The following ABCA8 variants were observed in gnomAD, a reference collection of about 807,000 sequenced individuals.
The protein encoded by ABCA8 is ATP binding cassette subfamily A member 8, also known as ABC-type organic anion transporter ABCA8.
Under a neutral mutation model 192.3 loss-of-function variants are expected in ABCA8, and 177 were observed. The ratio of observed to expected loss-of-function variants is 0.92; its 90% CI spans 0.81 to 1.04. The LOEUF (loss-of-function observed/expected upper bound fraction) is 1.04. Ranked by LOEUF, ABCA8 falls within the 50% of genes least tolerant of loss-of-function variation. The pLI, the probability that ABCA8 is intolerant of heterozygous loss-of-function variation, is 0.00. For synonymous variants in ABCA8, 642 were observed against 690.2 expected (o/e 0.93, Z 1.09); for missense variants, 1,915 against 1,904.8 (o/e 1.01, Z -0.10).
At position 68,882,817 on chromosome 17, in the gene ABCA8, T is replaced by C. The variant is rs1052065434; in HGVS notation, c.3708-98A>G. The C allele has an allele frequency of 8.0e-6, 9 of 1,124,390 alleles. No homozygotes were observed. In the Admixed American group the frequency reaches 2.0e-4, roughly 25 times the overall value. 69.7% of individuals were successfully genotyped at this position (1,124,390 alleles called of 1,614,324 possible). The stretch of plus-strand genomic sequence containing the variant: ...CATATGTTTGAGTAGTACGAGCAAT[T>C]AACAAACCATCATAATCTCCCTTCA... On this transcript the variant is annotated intron_variant, in intron 29 of 39. Transcript: ENST00000586539.
At chr17:68,930,500 T>C (rs1279293153) in intron 7 of ABCA8, among the ~76,000 whole-genome samples, 2 of 152,142 alleles carry the variant, frequency 1.3e-5, no homozygotes, top group Admixed American at 1.3e-4. Context: ...TATAATGAAA[T>C]AATAATTTTA....
rs1306536676 is a variant in ABCA8 at position 68,887,370 on chromosome 17, T to C, written c.3281A>G (p.Glu1094Gly). 1.9e-6 allele frequency: 3 copies of C among 1,611,218 alleles called. No homozygotes were observed. The highest frequency in any genetic ancestry group is 2.5e-6 in the Non-Finnish European group (3 of 1,178,406). ...ATGAATTATTGTAAGTAGCATGTCT[T>C]CGAAGTTTGAAATGTAGCTCATTAA... ...IYLMSYISNF[E>G]DMLLTIIHII... Residue 1094 changes from glutamate (E) to glycine (G), a missense_variant, in exon 25 of 40, where the codon GAA (glutamate) becomes GGA (glycine). Transcript: ENST00000586539.
At chr17:68,868,473 C>T (rs1598169059) in intron 38 of ABCA8, 117 bp from the exon 39 acceptor site, 1 of 835,828 alleles carries the variant, frequency 1.2e-6, no homozygotes, top group East Asian at 2.7e-5. Context: ...AGGTAATATT[C>T]ATTCATGTCT....
intron 27 of ABCA8, chr17:68,884,731 C>T: frequency 9.4e-7 from 1 of 1,061,820 alleles, no homozygotes. Context: ...TTGTGGGGCC[C>T]CTTCTCTTCC....
intron 11 of ABCA8, 60 bp from the exon 12 acceptor site, chr17:68,922,360 T>C (rs2067568264): frequency 1.6e-5 from 18 of 1,152,806 alleles, no homozygotes; most frequent in Non-Finnish European, 1.2e-6. Flanking sequence ...ATTTCCAGTT[T>C]GGTAGACAGG....
At chr17:68,929,286 G>T in intron 8 of ABCA8, 52 bp from the exon 9 acceptor site, 1 of 1,377,948 alleles carries the variant, frequency 7.3e-7, no homozygotes, top group Non-Finnish European at 9.8e-7. Flanking sequence ...ATTATTACTA[G>T]CATAATAAAA....
intron 17 of ABCA8, among the ~76,000 whole-genome samples, chr17:68,912,794 C>T (rs1324518932): frequency 6.6e-6 from 1 of 151,992 alleles, no homozygotes; most frequent in Non-Finnish European, 1.5e-5. Context: ...AGACCCAATA[C>T]AATAATAATA....
At chr17:68,912,790 A>G (rs1225499259) in intron 17 of ABCA8, among the ~76,000 whole-genome samples, 1 of 152,140 alleles carries the variant, frequency 6.6e-6, no homozygotes, top group Non-Finnish European at 1.5e-5. Context: ...AGAGAGACCC[A>G]ATACAATAAT....
Position 68,924,876 on chromosome 17 carries a change from G to A in ABCA8, c.1274-7C>T. On this transcript the variant is annotated splice_polypyrimidine_tract_variant and splice_region_variant and intron_variant, in intron 10 of 39. Transcript: ENST00000586539. ...CGTCGATGTCCATATTCATCTACATGGCCAGAAGACAATTAAATATTGGGT... is the reference window on the plus strand; with the variant it reads ...CGTCGATGTCCATATTCATCTACATAGCCAGAAGACAATTAAATATTGGGT... The A allele has an allele frequency of 6.2e-7, 1 of 1,612,746 alleles. No individual in the cohort carries two copies. The highest frequency in any genetic ancestry group is 8.5e-7 in the Non-Finnish European group (1 of 1,179,536).
chr17:68,891,082 T>G (rs1043043059), intron 24 of ABCA8, among the ~76,000 whole-genome samples: 2 of 152,222 alleles, frequency 1.3e-5, no homozygotes, highest in African/African-American at 4.8e-5. Flanking sequence ...ATTTGGTAAT[T>G]TTATTGAAAA....
chr17:68,901,722 C>G (rs565127427), intron 21 of ABCA8, among the ~76,000 whole-genome samples: 1 of 150,556 alleles, frequency 6.6e-6, no homozygotes, highest in Non-Finnish European at 1.5e-5. Context: ...GCAGGAGAAT[C>G]GCTTGAATCT....
At chr17:68,889,217 T>C (rs376293439) in intron 24 of ABCA8, among the ~76,000 whole-genome samples, 110 of 152,256 alleles carry the variant, frequency 7.2e-4, no homozygotes, top group African/African-American at 1.9e-3. Flanking sequence ...GATGACATAG[T>C]AGAGATGCTT....
Position 68,924,772 on chromosome 17 carries a change from C to T in ABCA8, c.1371G>A (p.Met457Ile). 6.2e-7 allele frequency: 1 copy of T among 1,614,084 alleles called. No homozygotes were observed. The highest frequency in any genetic ancestry group is 8.5e-7 in the Non-Finnish European group (1 of 1,179,972). ...AGTCATGAAATGAAGGATCGGCATC[C>T]ATTTCATCTTCAAGGGCCACGTGAT... ...KTDHVALEDE[M>I]DADPSFHDSF... The change falls in exon 11 of 40, where the codon ATG becomes ATA. Residue 457 changes from methionine (M) to isoleucine (I), a missense_variant. By Grantham distance (10) the Met-to-Ile change is conservative (BLOSUM62 1). Transcript: ENST00000586539.
rs1567878494 is a variant in ABCA8 at position 68,936,950 on chromosome 17, C to G, written c.466+1G>C. On this transcript the variant is annotated splice_donor_variant, in intron 5 of 39. Coordinates refer to ENST00000586539, the MANE Select transcript of ABCA8 (RefSeq NM_001288985.2). LOFTEE classifies it high-confidence loss of function. ...GTGAAATTTTAGAGCCATAAAATTA[C>G]CTGTATGGTCCTTGTGCTCCTTCTT... The G allele has an allele frequency of 6.4e-7, 1 of 1,562,626 alleles. No individual in the cohort carries two copies. The highest frequency in any genetic ancestry group is 1.4e-5 in the African/African-American group (1 of 72,002).
chr17:68,874,984 A>AT (rs575989322), intron 37 of ABCA8, among the ~76,000 whole-genome samples: 13 of 151,860 alleles, frequency 8.6e-5, no homozygotes, highest in Non-Finnish European at 1.8e-4. Flanking sequence ...AAGTCTACTC[A>AT]TTTTTTTTAC....
At chr17:68,930,938 T>C (rs2067852771) in intron 7 of ABCA8, among the ~76,000 whole-genome samples, 3 of 152,194 alleles carry the variant, frequency 2.0e-5, no homozygotes, top group Admixed American at 2.0e-4. Context: ...CAGTCAATTA[T>C]TCATAAGTTC....
chr17:68,882,303 G>T (rs1210901620), intron 30 of ABCA8, among the ~76,000 whole-genome samples: 1 of 152,176 alleles, frequency 6.6e-6, no homozygotes, highest in Non-Finnish European at 1.5e-5. Flanking sequence ...AATGCTGTGG[G>T]CTGGACCTGA....
rs992107061 is a variant in ABCA8 at position 68,906,140 on chromosome 17, A to G, written c.2302T>C (p.Tyr768His). Reference protein sequence around the residue: ...FPELYKDLDSYPDLGIENYGV... With the variant: ...FPELYKDLDSHPDLGIENYGV... ...TAATTCTCAATTCCTAGGTCAGGATAGCTATCAAGATCCTTGTAAAGTTCT... is the reference window on the plus strand; with the variant it reads ...TAATTCTCAATTCCTAGGTCAGGATGGCTATCAAGATCCTTGTAAAGTTCT... The change falls in exon 19 of 40, where the codon TAT becomes CAT. Residue 768 changes from tyrosine (Y) to histidine (H), a missense_variant. By Grantham distance (83) the Tyr-to-His change is moderately conservative. Transcript: ENST00000586539. 6.3e-7 allele frequency: 1 copy of G among 1,592,202 alleles called. No individual in the cohort carries two copies. Among genetic ancestry groups the G allele is most frequent in the Non-Finnish European group, 8.5e-7 (1 of 1,170,500 alleles).
chr17:68,919,013 G>C (rs1171020277), intron 14 of ABCA8, among the ~76,000 whole-genome samples: 3 of 148,774 alleles, frequency 2.0e-5, no homozygotes, highest in African/African-American at 7.5e-5. Context: ...TGACTACTAA[G>C]TTGGTCAAGT....
Sources: gnomAD v4.1 joint callset for allele counts (sites outside exome capture counted in the v4.1 genomes callset) on GRCh38, gnomAD v4.1.1 for gene constraint, MANE v1.5 for transcripts, NCBI Gene and HGNC (gene_info 2026-07-23, HGNC 2026-07-21) for gene names.